The following CNST variants were observed in gnomAD, a reference collection of about 807,000 sequenced individuals.
The protein encoded by CNST is consortin, connexin sorting protein, also known as consortin.
CNST carries 39 observed loss-of-function variants against 72.4 expected under a neutral mutation model. That is an observed-to-expected ratio of 0.54 (90% CI 0.42 to 0.70). The LOEUF (loss-of-function observed/expected upper bound fraction) is 0.70. Ranked by LOEUF, CNST falls within the 30% of genes least tolerant of loss-of-function variation. The probability of loss-of-function intolerance (pLI) is 0.00; values close to 1 mark genes in which losing one functional copy is unlikely to be tolerated. For missense variants in CNST, 871 were observed against 868.5 expected, an observed-to-expected ratio of 1.00 and a Z score of -0.04; for synonymous variants, 332 against 320.1, an observed-to-expected ratio of 1.04 and a Z score of -0.40.
chr1:246,574,070 C>T (rs779667846), intron 1 of CNST, among the ~76,000 whole-genome samples: 20 of 152,262 alleles, frequency 1.3e-4, no homozygotes, highest in Admixed American at 3.3e-4. Context: ...AACTGAGTCT[C>T]GCTCTGTTGC....
intron 2 of CNST, chr1:246,608,154 A>G (rs76124943): frequency 2.0e-5 from 3 of 152,148 alleles, no homozygotes; most frequent in African/African-American, 7.2e-5. Context: ...ACCTGTCTCT[A>G]CAAAAAAAAC....
chr1:246,579,125 T>G (rs988253936), intron 1 of CNST, among the ~76,000 whole-genome samples: 1 of 152,230 alleles, frequency 6.6e-6, no homozygotes, highest in African/African-American at 2.4e-5. Context: ...TAAATATTTT[T>G]TGGAATTTTA....
At chr1:246,587,384 A>G (rs949520856) in intron 1 of CNST, among the ~76,000 whole-genome samples, 1 of 152,222 alleles carries the variant, frequency 6.6e-6, no homozygotes, top group East Asian at 1.9e-4. Flanking sequence ...AACAATGTAT[A>G]GTTTTATGTG....
At chr1:246,571,872 T>C (rs1351023885) in intron 1 of CNST, among the ~76,000 whole-genome samples, 3 of 152,256 alleles carry the variant, frequency 2.0e-5, no homozygotes, top group Non-Finnish European at 2.9e-5. Flanking sequence ...TAGGCAATTA[T>C]AGAAATTAAC....
chr1:246,617,605 A>G (rs1663792440), intron 2 of CNST, among the ~76,000 whole-genome samples: 1 of 152,232 alleles, frequency 6.6e-6, no homozygotes, highest in South Asian at 2.1e-4. Flanking sequence ...TAGAGGATCA[A>G]AGAGATTAAC....
In CNST at chr1:246,591,765, G is replaced by T; in HGVS notation, c.203G>T (p.Ser68Ile). The T allele has an allele frequency of 1.2e-6, 2 of 1,614,142 alleles. No individual in the cohort carries two copies. Among genetic ancestry groups the T allele is most frequent in the African/African-American group, 1.3e-5 (1 of 75,040 alleles). ...MGKPQVSEQD[S>I]LNNNESCTLS... ...AAGCCCCAAGTGTCTGAGCAGGACAGTCTCAATAATAATGAAAGCTGCACA... is the reference window on the plus strand; with the variant it reads ...AAGCCCCAAGTGTCTGAGCAGGACATTCTCAATAATAATGAAAGCTGCACA... Residue 68 changes from serine (S) to isoleucine (I), a missense_variant, in exon 2 of 11, where the codon AGT becomes ATT. Physicochemically the swap from Ser to Ile is moderately radical, Grantham distance 142. Transcript: ENST00000366513.
intron 1 of CNST, among the ~76,000 whole-genome samples, chr1:246,584,812 G>A (rs77902094): frequency 0.097 from 14,796 of 151,968 alleles, 2,309 homozygotes; most frequent in African/African-American, 0.33. Flanking sequence ...CCCTGCCTCC[G>A]GTATATGGAT....
intron 9 of CNST, among the ~76,000 whole-genome samples, chr1:246,658,940 T>A (rs563909884): frequency 1.3e-5 from 2 of 152,212 alleles, no homozygotes; most frequent in Non-Finnish European, 2.9e-5. Context: ...TCCTGCACCT[T>A]GGAGTCTGTT....
At chr1:246,661,178 C>G (rs971526286) in intron 10 of CNST, among the ~76,000 whole-genome samples, 2 of 151,834 alleles carry the variant, frequency 1.3e-5, no homozygotes, top group Non-Finnish European at 2.9e-5. Flanking sequence ...CCATGTTGGT[C>G]AGGCTGGTCT....
At chr1:246,646,519 T>G (rs1666082206) in intron 8 of CNST, among the ~76,000 whole-genome samples, 1 of 152,148 alleles carries the variant, frequency 6.6e-6, no homozygotes. Flanking sequence ...TTGCTCTTGT[T>G]GCCCAGGCTG....
At chr1:246,627,474 A>C (rs1664513572) in intron 3 of CNST, among the ~76,000 whole-genome samples, 1 of 152,200 alleles carries the variant, frequency 6.6e-6, no homozygotes, top group Admixed American at 6.5e-5. Context: ...CCAGCAAAAC[A>C]AGGGAGTAAA....
Position 246,647,143 on chromosome 1 carries a change from T to C in CNST, c.942T>C (p.Ser314=). The C allele has an allele frequency of 6.2e-7, 1 of 1,607,850 alleles. No individual in the cohort carries two copies. The highest frequency in any genetic ancestry group is 8.5e-7 in the Non-Finnish European group (1 of 1,177,514). Residue 314 remains serine (S), a synonymous_variant, in exon 9 of 11, where the codon AGT becomes AGC. Transcript: ENST00000366513. Reference sequence around the variant, plus strand: ...TTTATTTTTCTTCATCTTTAGAGAGTAAAACTTGTCTCGGCACAGAGTCAA... The same window carrying C: ...TTTATTTTTCTTCATCTTTAGAGAGCAAAACTTGTCTCGGCACAGAGTCAA... The part of the protein sequence containing the change: ...EGGATTKESE[S]KTCLGTESSK...
chr1:246,602,371 G>T (rs1311201208), intron 2 of CNST, among the ~76,000 whole-genome samples: 2 of 152,142 alleles, frequency 1.3e-5, no homozygotes, highest in African/African-American at 4.8e-5. Flanking sequence ...TGAGGTTGCA[G>T]TCAAGGGTTG....
At chr1:246,664,173 A>G (rs1324466850) in intron 10 of CNST, among the ~76,000 whole-genome samples, 1 of 152,238 alleles carries the variant, frequency 6.6e-6, no homozygotes, top group Admixed American at 6.5e-5. Context: ...ATCATATTCC[A>G]TTATATAAAT....
chr1:246,590,512 C>A (rs59561704), intron 1 of CNST, among the ~76,000 whole-genome samples: 1 of 152,042 alleles, frequency 6.6e-6, no homozygotes, highest in Non-Finnish European at 1.5e-5. Flanking sequence ...AAGTGGTGGT[C>A]TCCTTCCTTA....
intron 8 of CNST, among the ~76,000 whole-genome samples, chr1:246,645,424 C>CTTTTTTTTTTTT (rs1553384186): frequency 7.5e-5 from 8 of 106,096 alleles, no homozygotes; most frequent in African/African-American, 2.6e-4. Flanking sequence ...AAGGTTAAAA[C>CTTTTTTTTTTTT]TTTTTTTTTT....
At chr1:246,584,794 C>T (rs887052513) in intron 1 of CNST, among the ~76,000 whole-genome samples, 1 of 152,138 alleles carries the variant, frequency 6.6e-6, no homozygotes, top group Admixed American at 6.5e-5. Flanking sequence ...CCCAACATAC[C>T]ACTCCCTCCC....
At chr1:246,597,618 A>G (rs1407796834) in intron 2 of CNST, among the ~76,000 whole-genome samples, 3 of 152,228 alleles carry the variant, frequency 2.0e-5, no homozygotes, top group Non-Finnish European at 4.4e-5. Context: ...ACCTGCCACT[A>G]TCAGTGCCCT....
chr1:246,606,242 A>G (rs1662801249), intron 2 of CNST: 1 of 152,050 alleles, frequency 6.6e-6, no homozygotes, highest in African/African-American at 2.4e-5. Context: ...CAGGGGAGAA[A>G]CAGGAGGACC....
Sources: allele counts gnomAD v4.1 joint callset (sites outside exome capture counted in the v4.1 genomes callset), GRCh38; gene constraint gnomAD v4.1.1; transcripts MANE v1.5; gene names NCBI Gene and HGNC (gene_info 2026-07-23, HGNC 2026-07-21).